GRIK5: variants seen among roughly 807,000 people sequenced by gnomAD.
GRIK5 encodes glutamate receptor ionotropic, kainate 5.
A neutral mutation model predicts 97.4 loss-of-function variants in GRIK5; 43 were observed. The observed-to-expected ratio is 0.44, with a 90% CI of 0.35 to 0.57. The LOEUF is 0.57. Ranked by LOEUF, GRIK5 falls within the 20% of genes least tolerant of loss-of-function variation. The probability of loss-of-function intolerance (pLI) is 0.01; values close to 1 mark genes in which losing one functional copy is unlikely to be tolerated. For missense variants in GRIK5, 1,015 were observed against 1,382.0 expected (o/e 0.73, Z 4.21); for synonymous variants, 580 against 583.5 (o/e 0.99, Z 0.09).
intron 19 of GRIK5, among the ~76,000 whole-genome samples, chr19:42,001,541 T>C (rs1369530196): frequency 1.3e-5 from 2 of 152,182 alleles, no homozygotes; most frequent in African/African-American, 4.8e-5. Context: ...AAATCATCTT[T>C]CAATGAAATT....
chr19:42,035,184 T>C (rs989347873), intron 12 of GRIK5, among the ~76,000 whole-genome samples: 1 of 151,860 alleles, frequency 6.6e-6, no homozygotes, highest in Admixed American at 6.6e-5. Flanking sequence ...TTTCTCCATG[T>C]TGGTCAGGCT....
intron 12 of GRIK5, among the ~76,000 whole-genome samples, chr19:42,037,665 T>C (rs1352202889): frequency 6.6e-6 from 1 of 152,176 alleles, no homozygotes; most frequent in African/African-American, 2.4e-5. Flanking sequence ...AGACTCTGTT[T>C]CAGGAGTGGG....
chr19:42,036,449 C>G (rs982177555), intron 12 of GRIK5, among the ~76,000 whole-genome samples: 1 of 152,098 alleles, frequency 6.6e-6, no homozygotes, highest in Non-Finnish European at 1.5e-5. Context: ...ACCTCCCAGA[C>G]TCAGGTGATC....
chr19:42,035,676 C>T (rs569194840), intron 12 of GRIK5, among the ~76,000 whole-genome samples: 13 of 152,212 alleles, frequency 8.5e-5, no homozygotes, highest in East Asian at 1.9e-4. Flanking sequence ...TGCCACTGCA[C>T]GCCAGCCTGG....
chr19:42,019,128 C>T (rs1362993577), intron 15 of GRIK5, among the ~76,000 whole-genome samples: 1 of 152,082 alleles, frequency 6.6e-6, no homozygotes, highest in African/African-American at 2.4e-5. Context: ...GAAGAGGGCC[C>T]CTGGCTGGGC....
chr19:42,037,858 T>C (rs1266898568), intron 12 of GRIK5, among the ~76,000 whole-genome samples: 1 of 152,180 alleles, frequency 6.6e-6, no homozygotes, highest in East Asian at 1.9e-4. Context: ...GACGGCCAGC[T>C]CAGCTCCAGA....
In GRIK5 at chr19:42,062,432, C is replaced by G; in HGVS notation, c.508+56G>C. On this transcript the variant is annotated intron_variant, in intron 5 of 19. Transcript: ENST00000593562. This position sits in a 1 kb window ranked among gnomAD's most constrained non-coding sequence, Gnocchi z 5.3. Reference sequence around the variant, plus strand: ...TGAACCACTGTGTGGGACACCAGATCTCTTGGGAAGGGGTGTCTGGGGGAA... The same window carrying G: ...TGAACCACTGTGTGGGACACCAGATGTCTTGGGAAGGGGTGTCTGGGGGAA... 1.3e-6 allele frequency: 2 copies of G among 1,579,004 alleles called. No individual in the cohort carries two copies. Among genetic ancestry groups the G allele is most frequent in the Non-Finnish European group, 1.7e-6 (2 of 1,155,470 alleles).
Position 42,022,448 on chromosome 19 carries a change from A to T in GRIK5, c.1474-94T>A. ...GAAATGCACGGAGAGTGAGCAACTG[A>T]GGGAGGCGAGAGAGAGAGAGGTAGG... On this transcript the variant is annotated intron_variant, in intron 12 of 19. Transcript: ENST00000593562. The surrounding 1 kb of genome is among the most constrained non-coding windows in gnomAD (Gnocchi z 4.2). 2 of 1,399,278 alleles carry T rather than the reference A, an allele frequency of 1.4e-6. No homozygotes were observed. Among genetic ancestry groups the T allele is most frequent in the Non-Finnish European group, 1.9e-6 (2 of 1,038,442 alleles). The allele number at this position is 1,399,278 out of a possible 1,614,324, so 86.7% of individuals were successfully genotyped here.
intron 12 of GRIK5, among the ~76,000 whole-genome samples, chr19:42,023,957 C>A (rs1055428783): frequency 6.6e-6 from 1 of 152,236 alleles, no homozygotes; most frequent in Non-Finnish European, 1.5e-5. Flanking sequence ...GAGGCCCTGG[C>A]GACCTAGGGC....
rs1368734664 is a variant in GRIK5, at chr19:42,056,916, C to T, written c.741+9G>A. Reference sequence around the variant, plus strand: ...GTGGGGGCAGAGATGGGCCAGAGGGCATACACACCATGGTGGTGAGGATGT... The same window carrying T: ...GTGGGGGCAGAGATGGGCCAGAGGGTATACACACCATGGTGGTGAGGATGT... On this transcript the variant is annotated intron_variant, in intron 7 of 19. Transcript: ENST00000593562. 8 of 1,595,746 alleles carry T rather than the reference C, an allele frequency of 5.0e-6. No individual in the cohort carries two copies. Among genetic ancestry groups the T allele is most frequent in the Non-Finnish European group, 6.8e-6 (8 of 1,170,770 alleles).
In GRIK5 at chr19:42,045,365, C is replaced by T. The variant is rs758722412; in HGVS notation, c.1270-2610G>A. ...CTGGCCTGCTGGAGGGTGAGTGAAC[C>T]AAGGCATGCCAGCCAACAGCCAGCA... On this transcript the variant is annotated intron_variant, in intron 11 of 19. Transcript: ENST00000593562. Among the ~76,000 whole-genome samples, 176 of 152,202 alleles carry T rather than the reference C, an allele frequency of 1.2e-3. 2 individuals are homozygous for T. The highest frequency in any genetic ancestry group is 4.1e-4 in the Non-Finnish European group (28 of 68,028).
At chr19:42,054,528 GC>G in intron 8 of GRIK5, 56 bp from the exon 9 acceptor site, 1 of 1,579,934 alleles carries the variant, frequency 6.3e-7, no homozygotes, top group Non-Finnish European at 8.6e-7. Context: ...AGGCAGAGGA[GC>G]CCCAAAGGCC....
chr19:42,053,575 C>T (rs1190443561), intron 11 of GRIK5, 27 bp downstream of exon 11: 1 of 1,370,700 alleles, frequency 7.3e-7, no homozygotes, highest in Non-Finnish European at 1.0e-6. Flanking sequence ...CAGCGCCACT[C>T]CCAGGCCCCC....
chr19:42,041,585 C>G (rs1310047108), intron 12 of GRIK5, among the ~76,000 whole-genome samples: 1 of 152,112 alleles, frequency 6.6e-6, no homozygotes, highest in Non-Finnish European at 1.5e-5. Context: ...CTAGGAGTGT[C>G]TGACACCCAA....
Position 41,998,895 on chromosome 19 carries a change from G to A in GRIK5, c.2919C>T (p.Pro973=). Residue 973 remains proline, a synonymous_variant, in exon 20 of 20, where the codon CCC becomes CCT. Transcript: ENST00000593562. ...GTCACTCGTGCTCCGCCAGCTCCCG[G>A]GGGCCGGCGGGGCCAGGCCGCGGCC... The part of the protein sequence containing the change: ...PPRPRPGPAG[P]RELAEHE The A allele has an allele frequency of 8.9e-7, 1 of 1,120,234 alleles. No individual in the cohort carries two copies. The highest frequency in any genetic ancestry group is 1.1e-6 in the Non-Finnish European group (1 of 916,768). 69.4% of individuals were successfully genotyped at this position (1,120,234 alleles called of 1,614,324 possible).
Position 42,022,477 on chromosome 19 carries a change from G to C in GRIK5, c.1474-123C>G, listed in dbSNP as rs544012594. ...AGGCGAGAGAGAGAGAGGTAGGGAG[G>C]GGGAGGGGCCAGGAGCATGGACTGA... On this transcript the variant is annotated intron_variant, in intron 12 of 19. Transcript: ENST00000593562. This position sits in a 1 kb window ranked among gnomAD's most constrained non-coding sequence, Gnocchi z 4.2. The C allele has an allele frequency of 7.4e-6, 11 of 1,480,152 alleles. No homozygotes were observed. In the South Asian group the frequency reaches 1.2e-4, roughly 16 times the overall value. 91.7% of individuals were successfully genotyped at this position (1,480,152 alleles called of 1,614,324 possible).
intron 5 of GRIK5, among the ~76,000 whole-genome samples, chr19:42,060,852 C>G (rs572288959): frequency 6.6e-6 from 1 of 152,072 alleles, no homozygotes; most frequent in Admixed American, 6.6e-5. Flanking sequence ...CACCCCACGC[C>G]CATACCATTC....
At chr19:42,024,720 C>T (rs1003926316) in intron 12 of GRIK5, among the ~76,000 whole-genome samples, 3 of 152,156 alleles carry the variant, frequency 2.0e-5, no homozygotes, top group Admixed American at 6.5e-5. Flanking sequence ...GCTCCCCCAC[C>T]GCATTCCTGG....
intron 12 of GRIK5, among the ~76,000 whole-genome samples, chr19:42,024,032 C>CAGGCT: frequency 6.6e-6 from 1 of 152,274 alleles, no homozygotes; most frequent in Non-Finnish European, 1.5e-5. Context: ...GCCATGATGG[C>CAGGCT]CCGTTCTTTC....
Sources: allele counts gnomAD v4.1 joint callset (sites outside exome capture counted in the v4.1 genomes callset), GRCh38; gene constraint gnomAD v4.1.1; non-coding constraint Gnocchi (gnomAD v3.1); transcripts MANE v1.5; gene names NCBI Gene and HGNC (gene_info 2026-07-23, HGNC 2026-07-21).